The following NRG1 variants were observed in gnomAD, a reference collection of about 807,000 sequenced individuals.
NRG1 encodes the protein neuregulin 1.
NRG1 carries 18 observed loss-of-function variants against 63.8 expected under a neutral mutation model. The ratio of observed to expected loss-of-function variants is 0.28; its 90% CI spans 0.19 to 0.42. The LOEUF is 0.42. Among genes scored for constraint, NRG1 ranks in the 10% least tolerant of loss-of-function variants. The pLI is 1.00. For synonymous variants in NRG1, 302 were observed against 301.3 expected (o/e 1.00, Z -0.02); for missense variants, 762 against 814.7 (o/e 0.94, Z 0.79).
chr8:32,309,694 T>C (rs59677012), intron 1 of NRG1, among the ~76,000 whole-genome samples: 3,941 of 152,278 alleles, frequency 0.026, 151 homozygotes, highest in African/African-American at 0.088. Context: ...CCCTTGTGCA[T>C]AGATATTGTT....
intron 1 of NRG1, among the ~76,000 whole-genome samples, chr8:32,306,671 A>C (rs530421581): frequency 6.6e-6 from 1 of 152,334 alleles, no homozygotes; most frequent in East Asian, 1.9e-4. Flanking sequence ...CTGTATTTTA[A>C]AGTTGACATA....
intron 7 of NRG1, among the ~76,000 whole-genome samples, chr8:32,746,339 G>A (rs1471790833): frequency 6.6e-6 from 1 of 152,136 alleles, no homozygotes; most frequent in Non-Finnish European, 1.5e-5. Context: ...AATCTCAGCG[G>A]TACAGAAAGT....
At chr8:32,239,197 A>G (rs1847861510) in intron 1 of NRG1, among the ~76,000 whole-genome samples, 1 of 152,122 alleles carries the variant, frequency 6.6e-6, no homozygotes, top group Admixed American at 6.6e-5. Context: ...GCTTAATTTA[A>G]AACAGAGACA....
At chr8:32,030,484 A>G (rs1818098796) in intron 1 of NRG1, 1 of 152,222 alleles carries the variant, frequency 6.6e-6, no homozygotes, top group African/African-American at 2.4e-5. Context: ...ATTTTAAGCA[A>G]CTTTTTCACC....
At chr8:31,766,433 A>G (rs1257981542) in intron 1 of NRG1, among the ~76,000 whole-genome samples, 2 of 152,158 alleles carry the variant, frequency 1.3e-5, no homozygotes, top group Non-Finnish European at 2.9e-5. Context: ...TGGGATTAAG[A>G]GAAACAGAGA....
At chr8:32,044,926 A>AAAC (rs960816293) in intron 1 of NRG1, among the ~76,000 whole-genome samples, 1 of 148,860 alleles carries the variant, frequency 6.7e-6, no homozygotes, top group Non-Finnish European at 1.5e-5. Context: ...AAAAAAAAAA[A>AAAC]AAAAACACAC....
chr8:32,129,346 T>A (rs1446028203), intron 1 of NRG1, among the ~76,000 whole-genome samples: 1 of 151,962 alleles, frequency 6.6e-6, no homozygotes, highest in Non-Finnish European at 1.5e-5. Flanking sequence ...CCTCTCAGAT[T>A]CTACACAGAA....
chr8:31,756,790 G>T (rs1364302769), intron 1 of NRG1, among the ~76,000 whole-genome samples: 1 of 152,154 alleles, frequency 6.6e-6, no homozygotes, highest in Non-Finnish European at 1.5e-5. Context: ...GTTTCTGAAG[G>T]AAGAAGGGTC....
chr8:31,847,524 T>G (rs1032049175), intron 1 of NRG1, among the ~76,000 whole-genome samples: 4 of 152,364 alleles, frequency 2.6e-5, no homozygotes, highest in Non-Finnish European at 5.9e-5. Context: ...CTACCTTTTC[T>G]ACTATTGAGC....
chr8:32,176,398 A>G (rs1260669954), intron 1 of NRG1, among the ~76,000 whole-genome samples: 1 of 152,232 alleles, frequency 6.6e-6, no homozygotes, highest in Admixed American at 6.5e-5. Context: ...AGGCAATACC[A>G]TTCAGGACAT....
At chr8:32,259,709 G>C (rs974910153) in intron 1 of NRG1, among the ~76,000 whole-genome samples, 1 of 152,124 alleles carries the variant, frequency 6.6e-6, no homozygotes, top group Admixed American at 6.6e-5. Context: ...AATGTAAATA[G>C]AGAAGGTAAA....
chr8:31,948,557 C>T (rs1261407099), intron 1 of NRG1, among the ~76,000 whole-genome samples: 1 of 152,132 alleles, frequency 6.6e-6, no homozygotes, highest in African/African-American at 2.4e-5. Flanking sequence ...ATTTACTGGA[C>T]ATGTTTATAA....
At chr8:32,292,230 AT>A (rs1854289659) in intron 1 of NRG1, among the ~76,000 whole-genome samples, 1 of 152,216 alleles carries the variant, frequency 6.6e-6, no homozygotes, top group Admixed American at 6.5e-5. Context: ...ACCAGTGAAA[AT>A]TAGCCTATTC....
chr8:32,461,464 C>G (rs537776224), intron 1 of NRG1, among the ~76,000 whole-genome samples: 1 of 152,112 alleles, frequency 6.6e-6, no homozygotes, highest in Non-Finnish European at 1.5e-5. Context: ...TTTGGGAGGC[C>G]GAGGTGAGTG....
intron 1 of NRG1, among the ~76,000 whole-genome samples, chr8:32,097,461 G>A (rs767935266): frequency 1.2e-4 from 19 of 152,066 alleles, no homozygotes; most frequent in Non-Finnish European, 2.4e-4. Context: ...ATTCAACAGC[G>A]TATAAAAGTT....
chr8:32,708,976 A>G (rs888808984), intron 5 of NRG1, among the ~76,000 whole-genome samples: 6 of 152,172 alleles, frequency 3.9e-5, no homozygotes, highest in Admixed American at 1.3e-4. Context: ...TTTTATTTTT[A>G]TTAAAAAAGT....
intron 1 of NRG1, among the ~76,000 whole-genome samples, chr8:32,226,461 G>T (rs1372848421): frequency 6.6e-6 from 1 of 152,108 alleles, no homozygotes; most frequent in Non-Finnish European, 1.5e-5. Context: ...CATGTTTCAA[G>T]ATGAGTGTTA....
chr8:32,123,639 CATA>C (rs1833752176), intron 1 of NRG1, among the ~76,000 whole-genome samples: 1 of 148,472 alleles, frequency 6.7e-6, no homozygotes, highest in Non-Finnish European at 1.5e-5. Flanking sequence ...ATTTATATAT[CATA>C]ATATATATAT....
At chr8:32,006,171 G>A (rs1191687771) in intron 1 of NRG1, among the ~76,000 whole-genome samples, 2 of 151,968 alleles carry the variant, frequency 1.3e-5, no homozygotes, top group Non-Finnish European at 1.5e-5. Flanking sequence ...AACCACCTAA[G>A]TTGTTTTTGG....
Sources: allele counts gnomAD v4.1 joint callset (sites outside exome capture counted in the v4.1 genomes callset), GRCh38; gene constraint gnomAD v4.1.1; transcripts MANE v1.5; gene names NCBI Gene and HGNC (gene_info 2026-07-23, HGNC 2026-07-21).